MIPOL1: variants seen among roughly 807,000 people sequenced by gnomAD.
MIPOL1 encodes mirror-image polydactyly gene 1 protein.
A neutral mutation model predicts 60.9 loss-of-function variants in MIPOL1; 57 were observed. The observed-to-expected ratio is 0.94, with a 90% confidence interval of 0.76 to 1.17. The LOEUF is 1.17. MIPOL1 is among the 50% of genes most tolerant of loss of function. The probability of loss-of-function intolerance (pLI) is 0.00; values close to 1 mark genes in which losing one functional copy is unlikely to be tolerated. For missense variants in MIPOL1, 551 were observed against 511.6 expected (o/e 1.08, Z -0.74); for synonymous variants, 179 against 168.8 (o/e 1.06, Z -0.47).
chr14:37,521,910 A>T (rs1320788848), intron 12 of MIPOL1, among the ~76,000 whole-genome samples: 4,000 of 132,700 alleles, frequency 0.03, 92 homozygotes, highest in South Asian at 0.066. Flanking sequence ...ATATATATAT[A>T]TTTTTTTTTT....
chr14:37,347,228 ATAC>A (rs1419932782), intron 9 of MIPOL1, among the ~76,000 whole-genome samples: 5 of 152,234 alleles, frequency 3.3e-5, no homozygotes, highest in African/African-American at 1.2e-4. Flanking sequence ...ATGAAAGCAT[ATAC>A]CATATATACA....
In MIPOL1 at chr14:37,534,280, A is replaced by T. The variant is rs1281860961; in HGVS notation, c.1263-12625A>T. On this transcript the variant is annotated intron_variant, in intron 12 of 12. Coordinates refer to ENST00000684589, the MANE Select transcript of MIPOL1 (RefSeq NM_001388067.1). ...CAAGTCTCCCAAACTCCTTCGATTT[A>T]AAGTGAGAGAAATCTGTTCTTTTTA... is the stretch of plus-strand genomic sequence containing the variant. 2.0e-5 allele frequency among the ~76,000 whole-genome samples: 3 copies of T among 152,284 alleles called. No individual in the cohort carries two copies. The East Asian group carries it at 5.8e-4, about 29-fold the overall frequency.
intron 3 of MIPOL1, among the ~76,000 whole-genome samples, chr14:37,259,408 T>C (rs932250404): frequency 1.3e-5 from 2 of 151,620 alleles, no homozygotes; most frequent in South Asian, 4.2e-4. Flanking sequence ...CTACAAATAA[T>C]AAAAACAAAT....
intron 10 of MIPOL1, among the ~76,000 whole-genome samples, chr14:37,379,565 C>G (rs1433724989): frequency 6.6e-6 from 1 of 152,034 alleles, no homozygotes; most frequent in Non-Finnish European, 1.5e-5. Context: ...AATCATATAT[C>G]TGGCAAGGAA....
At chr14:37,495,042 G>C (rs963107523) in intron 11 of MIPOL1, among the ~76,000 whole-genome samples, 32 of 151,432 alleles carry the variant, frequency 2.1e-4, no homozygotes, top group Admixed American at 1.7e-3. Flanking sequence ...AATTAAATCA[G>C]GATGCTCATA....
chr14:37,240,788 G>A (rs139204242), intron 1 of MIPOL1, among the ~76,000 whole-genome samples: 6 of 152,190 alleles, frequency 3.9e-5, no homozygotes, highest in African/African-American at 1.4e-4. Context: ...AAAGACTACT[G>A]CAGTATTCAA....
At chr14:37,296,453 TC>T (rs2085693784) in intron 7 of MIPOL1, among the ~76,000 whole-genome samples, 1 of 151,770 alleles carries the variant, frequency 6.6e-6, no homozygotes, top group Admixed American at 6.6e-5. Flanking sequence ...ATAACTAAGA[TC>T]AGAGCAGAAC....
At chr14:37,473,506 G>A (rs11156956) in intron 11 of MIPOL1, among the ~76,000 whole-genome samples, 2 of 151,930 alleles carry the variant, frequency 1.3e-5, no homozygotes, top group African/African-American at 4.8e-5. Context: ...AATTTGGTTA[G>A]CCAAATTCAG....
Position 37,202,384 on chromosome 14 carries a change from T to TAC in MIPOL1, c.-199+4302_-199+4303dup, listed in dbSNP as rs3061896. 7.0e-3 allele frequency among the ~76,000 whole-genome samples: 1,053 copies of TAC among 150,032 alleles called. 10 individuals carry two copies. The highest frequency in any genetic ancestry group is 0.028 in the South Asian group (133 of 4,762). On this transcript the variant is annotated intron_variant, in intron 1 of 12. Coordinates refer to ENST00000684589, the MANE Select transcript of MIPOL1 (RefSeq NM_001388067.1). ...GGATCCAGTACATACTGCATTTCATTACACACACACACACACACACACAAA... is the reference window on the plus strand; with the variant it reads ...GGATCCAGTACATACTGCATTTCATTACACACACACACACACACACACACAAA...
chr14:37,545,623 C>G, intron 12 of MIPOL1: 1 of 627,310 alleles, frequency 1.6e-6, no homozygotes, highest in Non-Finnish European at 2.9e-6. Flanking sequence ...TTTTTTGATG[C>G]ACTGAATAAT....
intron 12 of MIPOL1, among the ~76,000 whole-genome samples, chr14:37,536,892 G>A (rs907989802): frequency 4.6e-5 from 7 of 152,148 alleles, no homozygotes; most frequent in African/African-American, 1.7e-4. Context: ...GTTTGGGATA[G>A]TGGGGGTTGG....
chr14:37,305,135 T>TAG lies in MIPOL1; in HGVS notation c.624-2921_624-2920insAG, dbSNP rs2086673753. Among the ~76,000 whole-genome samples, 3 of 151,938 alleles carry TAG rather than the reference T, an allele frequency of 2.0e-5. No individual in the cohort carries two copies. The South Asian group carries it at 6.2e-4, about 31-fold the overall frequency. The stretch of plus-strand genomic sequence containing the variant: ...TCACCTCTTTTCTGAAAAGGCAAGT[T>TAG]GTCTAAGTTTTGTGTTGTTTTAAGT... On this transcript the variant is annotated intron_variant, in intron 7 of 12. Coordinates refer to ENST00000684589, the MANE Select transcript of MIPOL1 (RefSeq NM_001388067.1).
At chr14:37,453,647 A>G (rs2094446749) in intron 11 of MIPOL1, among the ~76,000 whole-genome samples, 1 of 152,172 alleles carries the variant, frequency 6.6e-6, no homozygotes, top group East Asian at 1.9e-4. Flanking sequence ...AAGTGCCCAA[A>G]AAAGGTACTC....
intron 11 of MIPOL1, among the ~76,000 whole-genome samples, chr14:37,495,133 ATAT>A (rs2095102876): frequency 1.6e-5 from 2 of 127,776 alleles, no homozygotes; most frequent in Non-Finnish European, 3.4e-5. Context: ...TTTTTTTTTA[ATAT>A]TTTTTTTATT....
chr14:37,320,892 T>G (rs752313698), intron 9 of MIPOL1, among the ~76,000 whole-genome samples: 1 of 152,062 alleles, frequency 6.6e-6, no homozygotes, highest in Non-Finnish European at 1.5e-5. Flanking sequence ...GTAGAGCCCA[T>G]GTAATGACTT....
intron 1 of MIPOL1, among the ~76,000 whole-genome samples, chr14:37,217,357 T>G (rs750796156): frequency 6.6e-6 from 1 of 152,124 alleles, no homozygotes; most frequent in Non-Finnish European, 1.5e-5. Context: ...CAAATTATTC[T>G]GAAAAATAGA....
intron 11 of MIPOL1, among the ~76,000 whole-genome samples, chr14:37,425,120 A>AT (rs1407001023): frequency 6.6e-6 from 1 of 152,192 alleles, no homozygotes; most frequent in African/African-American, 2.4e-5. Flanking sequence ...TAATTAGTAG[A>AT]TTCACCTTAT....
intron 9 of MIPOL1, among the ~76,000 whole-genome samples, chr14:37,359,800 A>C (rs918973074): frequency 6.6e-6 from 1 of 152,178 alleles, no homozygotes; most frequent in Non-Finnish European, 1.5e-5. Context: ...TCATAATTGA[A>C]TATCTTTTAT....
At chr14:37,485,181 T>C (rs1225943432) in intron 11 of MIPOL1, among the ~76,000 whole-genome samples, 1 of 151,594 alleles carries the variant, frequency 6.6e-6, no homozygotes, top group Non-Finnish European at 1.5e-5. Flanking sequence ...ACTCATCGTT[T>C]TTTATATTCC....
Sources: allele counts gnomAD v4.1 joint callset (sites outside exome capture counted in the v4.1 genomes callset), GRCh38; gene constraint gnomAD v4.1.1; transcripts MANE v1.5; gene names NCBI Gene and HGNC (gene_info 2026-07-23, HGNC 2026-07-21).